Variants in DOCK2 observed in about 807,000 individuals in gnomAD.
DOCK2 encodes the protein dedicator of cytokinesis protein 2.
In DOCK2, 87 loss-of-function variants were observed where a neutral mutation model predicts 248.9. The observed-to-expected ratio is 0.35, with a 90% CI of 0.29 to 0.42. DOCK2 has a LOEUF of 0.42. Ranked by LOEUF, DOCK2 falls within the 10% of genes least tolerant of loss-of-function variation. DOCK2 has a pLI of 1.00. For synonymous variants in DOCK2, 805 were observed against 821.6 expected (o/e 0.98, Z 0.35); for missense variants, 1,747 against 2,300.2 (o/e 0.76, Z 4.92).
At chr5:169,812,248 C>T (rs1056168166) in intron 26 of DOCK2, among the ~76,000 whole-genome samples, 2 of 152,178 alleles carry the variant, frequency 1.3e-5, no homozygotes, top group Non-Finnish European at 2.9e-5. Flanking sequence ...CTCATAGGAA[C>T]GCGAACCCTA....
chr5:170,005,113 G>T lies in DOCK2; in HGVS notation c.3073-3384G>T, dbSNP rs185918724. ...TACTGATCCATACTACAACATGGGTGAACCTTGAAAGCATTACACTAAGTA... is the reference window on the plus strand; with the variant it reads ...TACTGATCCATACTACAACATGGGTTAACCTTGAAAGCATTACACTAAGTA... On this transcript the variant is annotated intron_variant, in intron 30 of 51. Coordinates refer to ENST00000520908, the MANE Select transcript of DOCK2 (RefSeq NM_004946.3). Among the ~76,000 whole-genome samples the T allele has an allele frequency of 7.3e-5, 11 of 150,956 alleles. No individual in the cohort carries two copies. The East Asian group carries it at 1.9e-3, about 27-fold the overall frequency.
rs1370601059 is a variant in DOCK2 at position 170,079,130 on chromosome 5, A to G, written c.5150A>G (p.Glu1717Gly). Residue 1717 changes from glutamate to glycine, a missense_variant, in exon 49 of 52, where the codon GAG becomes GGG. This residue lies in a region of DOCK2 where 513 missense variants were observed against 586.1 expected (regional missense o/e 0.88). Coordinates refer to ENST00000520908, the MANE Select transcript of DOCK2 (RefSeq NM_004946.3). ...TTTGCGGATGAGAAAGCAGCTGCAG[A>G]GTCGGACCTGAAGCGGGTGAGTGGC... ...VVFADEKAAA[E>G]SDLKRLSRKH... 3.7e-6 allele frequency: 6 copies of G among 1,613,554 alleles called. No individual in the cohort carries two copies. Among genetic ancestry groups the G allele is most frequent in the Non-Finnish European group, 5.1e-6 (6 of 1,180,004 alleles).
intron 27 of DOCK2, among the ~76,000 whole-genome samples, chr5:169,956,513 G>A (rs1404184461): frequency 6.6e-6 from 1 of 152,196 alleles, no homozygotes; most frequent in Non-Finnish European, 1.5e-5. Context: ...AAATGCTTTT[G>A]AAGACATGAG....
At chr5:169,973,912 A>G (rs1000572027) in intron 27 of DOCK2, among the ~76,000 whole-genome samples, 6 of 152,218 alleles carry the variant, frequency 3.9e-5, no homozygotes, top group Non-Finnish European at 7.3e-5. Context: ...CCATCCGTCC[A>G]TCATCCATTC....
chr5:169,958,934 C>T (rs1776970541), intron 27 of DOCK2, among the ~76,000 whole-genome samples: 1 of 152,202 alleles, frequency 6.6e-6, no homozygotes, highest in Non-Finnish European at 1.5e-5. Context: ...ATTAGCAACT[C>T]ATAGTTGGCT....
intron 32 of DOCK2, among the ~76,000 whole-genome samples, chr5:170,013,035 G>T (rs1755364618): frequency 6.6e-6 from 1 of 152,036 alleles, no homozygotes; most frequent in Non-Finnish European, 1.5e-5. Flanking sequence ...TGTGTAGTGG[G>T]GACTCAGGAG....
intron 23 of DOCK2, among the ~76,000 whole-genome samples, chr5:169,755,210 C>T (rs1241535862): frequency 6.6e-6 from 1 of 151,912 alleles, no homozygotes; most frequent in Non-Finnish European, 1.5e-5. Context: ...TCCTGAAGTG[C>T]TGGGATTATA....
intron 27 of DOCK2, among the ~76,000 whole-genome samples, chr5:169,949,978 A>G (rs531551172): frequency 6.6e-6 from 1 of 152,304 alleles, no homozygotes; most frequent in South Asian, 2.1e-4. Context: ...CACATTTACC[A>G]GAAAAACACA....
intron 26 of DOCK2, among the ~76,000 whole-genome samples, chr5:169,805,804 G>A (rs1057500593): frequency 4.6e-5 from 7 of 152,228 alleles, no homozygotes; most frequent in East Asian, 1.9e-4. Context: ...TGAGCTCCCC[G>A]TGGGGGATTG....
chr5:169,959,248 C>T (rs1370289867), intron 27 of DOCK2, among the ~76,000 whole-genome samples: 1 of 152,002 alleles, frequency 6.6e-6, no homozygotes, highest in African/African-American at 2.4e-5. Flanking sequence ...AAAAAAATAG[C>T]TGGGCGTGGT....
intron 46 of DOCK2, among the ~76,000 whole-genome samples, chr5:170,073,062 CT>C (rs1361058884): frequency 1.3e-5 from 2 of 152,164 alleles, no homozygotes; most frequent in African/African-American, 4.8e-5. Context: ...TTTGTGTCCA[CT>C]TTAAGAAACC....
intron 27 of DOCK2, among the ~76,000 whole-genome samples, chr5:169,890,531 A>G (rs1004167424): frequency 2.0e-5 from 3 of 152,204 alleles, no homozygotes; most frequent in African/African-American, 7.2e-5. Context: ...ATATATTCCA[A>G]AAATATACCC....
At chr5:170,045,754 C>G (rs868130152) in intron 38 of DOCK2, 62 bp from the exon 39 acceptor site, 4 of 1,520,162 alleles carry the variant, frequency 2.6e-6, no homozygotes, top group Middle Eastern at 1.7e-4. Context: ...GTCCCTTCCT[C>G]AGCAAGCGCT....
intron 29 of DOCK2, among the ~76,000 whole-genome samples, chr5:169,995,033 T>TA (rs200247231): frequency 8.3e-4 from 66 of 79,838 alleles, no homozygotes; most frequent in African/African-American, 3.3e-3. Flanking sequence ...TTTTTTATTT[T>TA]TTTTTTTTTT....
chr5:169,657,701 T>C (rs1758201406), intron 2 of DOCK2, among the ~76,000 whole-genome samples: 1 of 152,216 alleles, frequency 6.6e-6, no homozygotes, highest in South Asian at 2.1e-4. Context: ...CATGTGCTGC[T>C]CACCCACTTC....
At chr5:170,041,913 G>A (rs1010179363) in intron 37 of DOCK2, 100 bp from the exon 38 acceptor site, 1 of 1,388,662 alleles carries the variant, frequency 7.2e-7, no homozygotes, top group Non-Finnish European at 9.8e-7. Context: ...AAAGGACAGG[G>A]TGTGTGTTGG....
rs183949257 is a variant in DOCK2, at chr5:170,052,982, A to T, written c.4214-2323A>T. On this transcript the variant is annotated intron_variant, in intron 41 of 51. Coordinates refer to ENST00000520908, the MANE Select transcript of DOCK2 (RefSeq NM_004946.3). ...CTTGCCTTCACTTGTTAAAAAGCTG[A>T]TAAGCAGTCTGAGAGGGTGACAGAT... Among the ~76,000 whole-genome samples the T allele has an allele frequency of 5.3e-5, 8 of 152,328 alleles. No homozygotes were observed. In the East Asian group the frequency reaches 1.5e-3, roughly 29 times the overall value.
At chr5:169,648,920 C>T (rs571221117) in intron 1 of DOCK2, among the ~76,000 whole-genome samples, 2 of 152,334 alleles carry the variant, frequency 1.3e-5, no homozygotes, top group South Asian at 2.1e-4. Flanking sequence ...TGCTGACTAG[C>T]GCCCGCCCGG....
intron 25 of DOCK2, among the ~76,000 whole-genome samples, chr5:169,787,805 T>A (rs1245452857): frequency 6.6e-6 from 1 of 151,922 alleles, no homozygotes; most frequent in Non-Finnish European, 1.5e-5. Context: ...TTACCTCTTC[T>A]TTTTTCTTTT....
Sources: gnomAD v4.1 joint callset for allele counts (sites outside exome capture counted in the v4.1 genomes callset) on GRCh38, gnomAD v4.1.1 for gene constraint, gnomAD v4.1.1 regional missense constraint, MANE v1.5 for transcripts, NCBI Gene and HGNC (gene_info 2026-07-23, HGNC 2026-07-21) for gene names.